The following RAPGEF4 variants were observed in gnomAD, a reference collection of about 807,000 sequenced individuals.
The protein encoded by RAPGEF4 is RAP guanine-nucleotide-exchange factor (GEF) 4.
RAPGEF4 carries 66 observed loss-of-function variants against 147.9 expected under a neutral mutation model. The observed-to-expected ratio is 0.45, with a 90% CI of 0.37 to 0.55. The LOEUF is 0.55. RAPGEF4 is among the 20% of genes least tolerant of loss of function. The pLI is 0.00. For missense variants in RAPGEF4, 1,071 were observed against 1,257.3 expected (o/e 0.85, Z 2.24); for synonymous variants, 419 against 442.7 (o/e 0.95, Z 0.67).
chr2:172,960,638 T>G (rs1689188635), intron 6 of RAPGEF4, 122 bp from the exon 7 acceptor site: 1 of 710,650 alleles, frequency 1.4e-6, no homozygotes, highest in East Asian at 3.1e-5. Context: ...TTATCTCTTA[T>G]TTTTTTAAAT....
chr2:172,795,627 T>G (rs1269618031), intron 2 of RAPGEF4, among the ~76,000 whole-genome samples: 1 of 152,228 alleles, frequency 6.6e-6, no homozygotes, highest in Non-Finnish European at 1.5e-5. Flanking sequence ...TTAAAAAGTA[T>G]TTTTTCATTA....
chr2:173,017,632 T>G (rs1695630639), intron 21 of RAPGEF4, 128 bp downstream of exon 21: 1 of 856,768 alleles, frequency 1.2e-6, no homozygotes, highest in African/African-American at 1.7e-5. Flanking sequence ...ATGGTTTGCT[T>G]GGAGGTGCCC....
intron 3 of RAPGEF4, 52 bp from the exon 4 acceptor site, chr2:172,814,227 C>A: frequency 2.5e-6 from 4 of 1,575,118 alleles, no homozygotes; most frequent in Non-Finnish European, 3.5e-6. Flanking sequence ...AAAGAAAACA[C>A]CTACCCATTA....
At chr2:172,887,823 A>G (rs533531575) in intron 4 of RAPGEF4, among the ~76,000 whole-genome samples, 1 of 152,136 alleles carries the variant, frequency 6.6e-6, no homozygotes, top group South Asian at 2.1e-4. Flanking sequence ...TTTCCTACTT[A>G]GAAACTTCTG....
At chr2:172,900,424 G>C (rs1698947191) in intron 4 of RAPGEF4, among the ~76,000 whole-genome samples, 1 of 152,092 alleles carries the variant, frequency 6.6e-6, no homozygotes. Flanking sequence ...ATTTTTTGTA[G>C]AGATGGGTCT....
intron 1 of RAPGEF4, among the ~76,000 whole-genome samples, chr2:172,757,911 C>T (rs2149458331): frequency 6.6e-6 from 1 of 152,260 alleles, no homozygotes; most frequent in Non-Finnish European, 1.5e-5. Flanking sequence ...AAACAAAAGA[C>T]TCTTGCTCTC....
At chr2:172,923,213 GT>G (rs1684940436) in intron 6 of RAPGEF4, among the ~76,000 whole-genome samples, 1 of 152,162 alleles carries the variant, frequency 6.6e-6, no homozygotes, top group Non-Finnish European at 1.5e-5. Context: ...AAAAGGACTG[GT>G]TGGGAATTCT....
At chr2:172,760,239 A>G (rs1231247353) in intron 1 of RAPGEF4, among the ~76,000 whole-genome samples, 1 of 152,252 alleles carries the variant, frequency 6.6e-6, no homozygotes, top group Admixed American at 6.5e-5. Flanking sequence ...GTGATGAAGC[A>G]GCTCTTTACT....
chr2:172,805,042 G>A (rs1687349722), intron 3 of RAPGEF4, among the ~76,000 whole-genome samples: 3 of 152,212 alleles, frequency 2.0e-5, no homozygotes, highest in East Asian at 1.9e-4. Context: ...GGCCCAGGAA[G>A]CATCAGATAG....
intron 4 of RAPGEF4, among the ~76,000 whole-genome samples, chr2:172,844,838 A>C (rs558254455): frequency 6.6e-6 from 1 of 152,248 alleles, no homozygotes; most frequent in African/African-American, 2.4e-5. Context: ...GTTTCAGTTT[A>C]ATGTCATCTA....
intron 4 of RAPGEF4, among the ~76,000 whole-genome samples, chr2:172,858,301 A>G (rs1028771267): frequency 4.6e-5 from 7 of 152,186 alleles, no homozygotes; most frequent in African/African-American, 1.7e-4. Flanking sequence ...ATGTATTTTC[A>G]AAGTCTGGCT....
intron 1 of RAPGEF4, among the ~76,000 whole-genome samples, chr2:172,787,598 G>A (rs1193757264): frequency 1.2e-5 from 1 of 85,406 alleles, no homozygotes; most frequent in Non-Finnish European, 2.6e-5. Flanking sequence ...AAAACAAAGT[G>A]CTTTATTTAT....
At chr2:172,806,940 C>T (rs1303282447) in intron 3 of RAPGEF4, among the ~76,000 whole-genome samples, 1 of 152,178 alleles carries the variant, frequency 6.6e-6, no homozygotes, top group Non-Finnish European at 1.5e-5. Context: ...TAATGCGGAT[C>T]TCTCTACCTT....
chr2:173,034,870 C>T (rs895607744), intron 27 of RAPGEF4, among the ~76,000 whole-genome samples: 8 of 92,640 alleles, frequency 8.6e-5, no homozygotes, highest in African/African-American at 3.4e-4. Flanking sequence ...GCGACCCCGT[C>T]TCAACACACA....
At chr2:172,914,397 C>T (rs192256286) in intron 4 of RAPGEF4, among the ~76,000 whole-genome samples, 44 of 124,138 alleles carry the variant, frequency 3.5e-4, no homozygotes, top group Non-Finnish European at 4.5e-4. Flanking sequence ...TGCAATGGCA[C>T]GATCTTGGTT....
chr2:172,849,926 A>T (rs1176621736), intron 4 of RAPGEF4, among the ~76,000 whole-genome samples: 1 of 152,216 alleles, frequency 6.6e-6, no homozygotes. Flanking sequence ...GGATCCACAG[A>T]TAGGAGTTGG....
At chr2:172,886,372 A>G (rs1173163191) in intron 4 of RAPGEF4, among the ~76,000 whole-genome samples, 1 of 152,246 alleles carries the variant, frequency 6.6e-6, no homozygotes, top group Non-Finnish European at 1.5e-5. Flanking sequence ...TTTACCATGT[A>G]GACCTTTACA....
intron 4 of RAPGEF4, among the ~76,000 whole-genome samples, chr2:172,863,109 G>A (rs537086136): frequency 1.1e-4 from 17 of 152,284 alleles, no homozygotes; most frequent in Admixed American, 5.9e-4. Flanking sequence ...TTAAAATAGG[G>A]TGACAAAGAA....
At chr2:172,874,999 G>A (rs1249214867) in intron 4 of RAPGEF4, among the ~76,000 whole-genome samples, 1 of 152,242 alleles carries the variant, frequency 6.6e-6, no homozygotes, top group Admixed American at 6.5e-5. Flanking sequence ...GATGGCCAGT[G>A]ATGATGAGCA....
Sources: allele counts gnomAD v4.1 joint callset (sites outside exome capture counted in the v4.1 genomes callset), GRCh38; gene constraint gnomAD v4.1.1; transcripts MANE v1.5; gene names NCBI Gene and HGNC (gene_info 2026-07-23, HGNC 2026-07-21).